GALNT9: variants seen among roughly 807,000 people sequenced by gnomAD.
The protein encoded by GALNT9 is GalNAc transferase 9.
Under a neutral mutation model 63.1 loss-of-function variants are expected in GALNT9, and 47 were observed. The observed-to-expected ratio is 0.75, with a 90% CI of 0.59 to 0.95. The LOEUF (loss-of-function observed/expected upper bound fraction) is 0.95, where lower values mean the gene tolerates loss of function less well. GALNT9 is among the 40% of genes least tolerant of loss of function. GALNT9 has a pLI of 0.00. For synonymous variants in GALNT9, 396 were observed against 365.7 expected (o/e 1.08, Z -0.94); for missense variants, 829 against 874.8 (o/e 0.95, Z 0.66).
At chr12:132,258,026 C>T (rs995937702) in intron 4 of GALNT9, 140 bp from the exon 5 acceptor site, 1 of 643,706 alleles carries the variant, frequency 1.6e-6, no homozygotes, top group Admixed American at 2.8e-5. Context: ...GCTAGACCCA[C>T]ATCCTCCCTT....
At chr12:132,248,821 T>C (rs1878809849) in intron 5 of GALNT9, among the ~76,000 whole-genome samples, 1 of 152,246 alleles carries the variant, frequency 6.6e-6, no homozygotes, top group Admixed American at 6.5e-5. Flanking sequence ...ATGCTAGTTA[T>C]ATTTTTTCTA....
At chr12:132,200,205 A>G (rs965664078) in intron 8 of GALNT9, among the ~76,000 whole-genome samples, 1 of 152,224 alleles carries the variant, frequency 6.6e-6, no homozygotes, top group African/African-American at 2.4e-5. Flanking sequence ...CATCCACCCC[A>G]GGGACCCTTT....
intron 1 of GALNT9, among the ~76,000 whole-genome samples, chr12:132,305,598 ACCTCACCCGGGCACAC>A (rs1169191321): frequency 0.024 from 712 of 29,272 alleles, 8 homozygotes; most frequent in African/African-American, 0.083. Flanking sequence ...CCCGGGCACA[ACCTCACCCGGGCACAC>A]CCTCACCCGG....
chr12:132,281,303 G>T (rs962960768), intron 2 of GALNT9, among the ~76,000 whole-genome samples: 1 of 152,202 alleles, frequency 6.6e-6, no homozygotes, highest in Non-Finnish European at 1.5e-5. Flanking sequence ...CAGGCTGGGC[G>T]TGGAGCCTCA....
At chr12:132,263,917 C>T (rs1037991787) in intron 2 of GALNT9, among the ~76,000 whole-genome samples, 1 of 152,164 alleles carries the variant, frequency 6.6e-6, no homozygotes, top group African/African-American at 2.4e-5. Flanking sequence ...GGAGGCGTCT[C>T]GGGCCTGGCT....
At chr12:132,219,892 G>GGGT (rs1186550150) in intron 6 of GALNT9, among the ~76,000 whole-genome samples, 12 of 148,164 alleles carry the variant, frequency 8.1e-5, no homozygotes, top group Admixed American at 1.3e-4. Flanking sequence ...TCCCCAGGGT[G>GGGT]ACACCCGCCT....
chr12:132,289,842 G>T (rs1484095958), intron 1 of GALNT9, among the ~76,000 whole-genome samples: 1 of 152,188 alleles, frequency 6.6e-6, no homozygotes, highest in Non-Finnish European at 1.5e-5. Context: ...CTGGCTGAGG[G>T]TCCTCCTTGG....
Position 132,319,514 on chromosome 12 carries a change from A to G in GALNT9, c.238+9452T>C, listed in dbSNP as rs1868681325. Among the ~76,000 whole-genome samples the G allele has an allele frequency of 6.6e-6, 1 of 152,154 alleles. No homozygotes were observed. Among genetic ancestry groups the G allele is most frequent in the African/African-American group, 2.4e-5 (1 of 41,422 alleles). On this transcript the variant is annotated intron_variant, in intron 1 of 10. Transcript: ENST00000328957. The surrounding 1 kb of genome is among the most constrained non-coding windows in gnomAD (Gnocchi z 5.2). ...AGCTTCCCGGGCCTGCAGCTTGCAGACGGCAGATGATGGGGCCTCTTGGTC... is the reference window on the plus strand; with the variant it reads ...AGCTTCCCGGGCCTGCAGCTTGCAGGCGGCAGATGATGGGGCCTCTTGGTC...
chr12:132,273,026 A>G (rs1555240892), intron 2 of GALNT9: 2 of 152,328 alleles, frequency 1.3e-5, no homozygotes. Flanking sequence ...GGCTGTGAGC[A>G]CTGTGGTCAT....
At chr12:132,204,289 C>G (rs939215741) in intron 6 of GALNT9, among the ~76,000 whole-genome samples, 3 of 152,234 alleles carry the variant, frequency 2.0e-5, no homozygotes, top group African/African-American at 7.2e-5. Context: ...GCAATACCAG[C>G]CTTCCTATAC....
chr12:132,203,484 C>G (rs1397320082), intron 7 of GALNT9, 21 bp downstream of exon 7: 1 of 1,612,096 alleles, frequency 6.2e-7, no homozygotes, highest in Admixed American at 1.7e-5. Context: ...GGCCCCGGCT[C>G]CCGGCCTGTG....
chr12:132,297,839 C>T (rs868927917), intron 1 of GALNT9, among the ~76,000 whole-genome samples: 2 of 151,970 alleles, frequency 1.3e-5, no homozygotes, highest in African/African-American at 2.4e-5. Flanking sequence ...AACTAACTCA[C>T]TTCTGAGAAA....
chr12:132,217,555 CTCTATCCA>C (rs1033222700), intron 6 of GALNT9, among the ~76,000 whole-genome samples: 11 of 150,070 alleles, frequency 7.3e-5, no homozygotes, highest in Non-Finnish European at 1.3e-4. Context: ...CATCCACTCA[CTCTATCCA>C]TCTATCCATC....
Position 132,197,135 on chromosome 12 carries a change from C to T in GALNT9, c.1784G>A (p.Arg595Lys), listed in dbSNP as rs1403253085. ...QRCSGQKWMI[R>K]NWIKHARH ...GTGCCGTGCGTGTTTGATCCAGTTTCTGATCATCCACTTCTGCCCCGAGCA... is the reference window on the plus strand; with the variant it reads ...GTGCCGTGCGTGTTTGATCCAGTTTTTGATCATCCACTTCTGCCCCGAGCA... The change falls in exon 11 of 11, where the codon AGA (arginine) becomes AAA (lysine). Residue 595 changes from arginine to lysine, a missense_variant. Physicochemically the swap from Arg to Lys is conservative, Grantham distance 26 (BLOSUM62 2). Transcript: ENST00000328957. The T allele has an allele frequency of 6.2e-7, 1 of 1,614,184 alleles. No homozygotes were observed. Among genetic ancestry groups the T allele is most frequent in the South Asian group, 1.1e-5 (1 of 91,090 alleles).
Position 132,325,490 on chromosome 12 carries a change from C to T in GALNT9, c.238+3476G>A, listed in dbSNP as rs992934951. On this transcript the variant is annotated intron_variant, in intron 1 of 10. Transcript: ENST00000328957. ...GAGTCCATGTCCCCAGAGGGGGGGC[C>T]GTGGGCAGGATGAGCGTGCAATGAG... Among the ~76,000 whole-genome samples, 4 of 152,170 alleles carry T rather than the reference C, an allele frequency of 2.6e-5. No individual in the cohort carries two copies. In the South Asian group the frequency reaches 6.2e-4, roughly 24 times the overall value.
intron 2 of GALNT9, among the ~76,000 whole-genome samples, chr12:132,268,898 G>A (rs561482515): frequency 3.0e-4 from 46 of 152,390 alleles, no homozygotes; most frequent in African/African-American, 1.1e-3. Flanking sequence ...TGAGGGTCGC[G>A]GAGGGGCCGG....
intron 1 of GALNT9, among the ~76,000 whole-genome samples, chr12:132,323,471 T>C (rs1868893034): frequency 6.6e-6 from 1 of 152,184 alleles, no homozygotes; most frequent in Admixed American, 6.5e-5. Flanking sequence ...GAGGCCACCC[T>C]CCGGGTTAAG....
At chr12:132,212,200 G>A (rs558361965) in intron 6 of GALNT9, among the ~76,000 whole-genome samples, 29 of 147,938 alleles carry the variant, frequency 2.0e-4, no homozygotes, top group Admixed American at 8.7e-4. Context: ...TTCAGACCTC[G>A]ACACGGAAAC....
intron 8 of GALNT9, chr12:132,200,326 C>T (rs549543662): frequency 4.4e-4 from 67 of 152,168 alleles, no homozygotes; most frequent in Non-Finnish European, 6.5e-4. Context: ...AGCACCTTCT[C>T]GCTGGCTTTA....
Sources: allele counts gnomAD v4.1 joint callset (sites outside exome capture counted in the v4.1 genomes callset), GRCh38; gene constraint gnomAD v4.1.1; non-coding constraint Gnocchi (gnomAD v3.1); transcripts MANE v1.5; gene names NCBI Gene and HGNC (gene_info 2026-07-23, HGNC 2026-07-21).